Variants in ROBO2 observed in about 807,000 individuals in gnomAD.
The protein encoded by ROBO2 is roundabout homolog 2.
Under a neutral mutation model 160.8 loss-of-function variants are expected in ROBO2, and 53 were observed. The observed-to-expected ratio is 0.33, with a 90% CI of 0.26 to 0.41. The LOEUF is 0.41. ROBO2 is among the 10% of genes least tolerant of loss of function. The probability of loss-of-function intolerance (pLI) is 1.00; values close to 1 mark genes in which losing one functional copy is unlikely to be tolerated. For synonymous variants in ROBO2, 664 were observed against 611.7 expected, an observed-to-expected ratio of 1.09 and a Z score of -1.26; for missense variants, 1,577 against 1,722.4, an observed-to-expected ratio of 0.92 and a Z score of 1.49.
chr3:76,609,110 A>G (rs2087880511), intron 2 of ROBO2, among the ~76,000 whole-genome samples: 1 of 152,216 alleles, frequency 6.6e-6, no homozygotes, highest in Non-Finnish European at 1.5e-5. Context: ...CATTTACTGA[A>G]GAGACTGTTC....
At chr3:76,903,880 G>A (rs1259860255) in intron 2 of ROBO2, among the ~76,000 whole-genome samples, 1 of 152,080 alleles carries the variant, frequency 6.6e-6, no homozygotes, top group Non-Finnish European at 1.5e-5. Flanking sequence ...CATGCATCCT[G>A]TTGCTCATTA....
chr3:76,959,288 A>T (rs752510998), intron 2 of ROBO2, among the ~76,000 whole-genome samples: 9 of 152,202 alleles, frequency 5.9e-5, no homozygotes, highest in Non-Finnish European at 1.3e-4. Context: ...CCCTTTGTGG[A>T]AAAGAGTTTA....
intron 2 of ROBO2, among the ~76,000 whole-genome samples, chr3:76,505,514 G>A (rs545370991): frequency 9.5e-4 from 144 of 152,280 alleles, no homozygotes; most frequent in African/African-American, 3.3e-3. Flanking sequence ...TTAAGATGAG[G>A]TCATACTGCG....
chr3:75,908,796 A>G (rs1336639638), intron 1 of ROBO2, among the ~76,000 whole-genome samples: 1 of 152,200 alleles, frequency 6.6e-6, no homozygotes, highest in Non-Finnish European at 1.5e-5. Flanking sequence ...ACTCCTAAAA[A>G]CTGACCTGTG....
intron 2 of ROBO2, among the ~76,000 whole-genome samples, chr3:77,283,106 A>T (rs1308520428): frequency 6.6e-6 from 1 of 152,158 alleles, no homozygotes; most frequent in Admixed American, 6.5e-5. Flanking sequence ...CATTCTGCAA[A>T]TCTGGTGAAT....
intron 2 of ROBO2, among the ~76,000 whole-genome samples, chr3:76,029,484 T>C (rs1576547884): frequency 6.6e-6 from 1 of 152,120 alleles, no homozygotes; most frequent in South Asian, 2.1e-4. Flanking sequence ...TCATTTACAT[T>C]AAGTATTTCT....
At chr3:76,158,782 A>T (rs1266190699) in intron 2 of ROBO2, among the ~76,000 whole-genome samples, 1 of 152,152 alleles carries the variant, frequency 6.6e-6, no homozygotes, top group Non-Finnish European at 1.5e-5. Flanking sequence ...AGACTCTGGG[A>T]TTCTTTTCCT....
chr3:76,774,551 C>T (rs1369215729), intron 2 of ROBO2, among the ~76,000 whole-genome samples: 1 of 150,700 alleles, frequency 6.6e-6, no homozygotes, highest in African/African-American at 2.4e-5. Flanking sequence ...TATTAATTCC[C>T]TTAAATTAGT....
chr3:76,264,828 T>G (rs1028482593), intron 2 of ROBO2, among the ~76,000 whole-genome samples: 1 of 152,082 alleles, frequency 6.6e-6, no homozygotes, highest in African/African-American at 2.4e-5. Context: ...GGCTTTTACT[T>G]TACATGAGAA....
At chr3:75,986,193 C>T (rs960336342) in intron 2 of ROBO2, among the ~76,000 whole-genome samples, 1 of 147,488 alleles carries the variant, frequency 6.8e-6, no homozygotes, top group Non-Finnish European at 1.5e-5. Flanking sequence ...ACATTCTTGC[C>T]AACAATTGTT....
intron 2 of ROBO2, among the ~76,000 whole-genome samples, chr3:76,390,862 G>A (rs541368177): frequency 3.6e-4 from 55 of 152,276 alleles, no homozygotes; most frequent in African/African-American, 1.3e-3. Context: ...AGGACAGTAT[G>A]TTCAGTATGA....
chr3:77,123,792 G>C (rs144633698), intron 2 of ROBO2, among the ~76,000 whole-genome samples: 1,703 of 148,064 alleles, frequency 0.012, 27 homozygotes, highest in African/African-American at 0.037. Flanking sequence ...TATCTAGATA[G>C]ATATATAATC....
chr3:77,240,297 G>A (rs2088816817), intron 2 of ROBO2, among the ~76,000 whole-genome samples: 1 of 152,174 alleles, frequency 6.6e-6, no homozygotes, highest in African/African-American at 2.4e-5. Context: ...AGTGCTGGGG[G>A]ACCCGGCGCT....
intron 2 of ROBO2, among the ~76,000 whole-genome samples, chr3:77,416,712 A>G (rs1270537807): frequency 1.2e-5 from 1 of 84,820 alleles, no homozygotes; most frequent in East Asian, 3.4e-4. Flanking sequence ...GCAAGATTCC[A>G]TCTCAAAAAA....
intron 24 of ROBO2, among the ~76,000 whole-genome samples, chr3:77,640,100 T>C: frequency 1.0e-4 from 1 of 9,592 alleles, no homozygotes; most frequent in South Asian, 5.1e-3. Context: ...AGGAAGCATT[T>C]TTTTTTTTTT....
intron 1 of ROBO2, among the ~76,000 whole-genome samples, chr3:77,080,442 C>T (rs766314024): frequency 2.8e-4 from 43 of 152,194 alleles, no homozygotes; most frequent in Non-Finnish European, 5.1e-4. Context: ...TTGTGTTGTT[C>T]GTACCAAGGG....
chr3:76,404,549 T>G (rs930994281), intron 2 of ROBO2, among the ~76,000 whole-genome samples: 8 of 151,486 alleles, frequency 5.3e-5, no homozygotes, highest in African/African-American at 1.9e-4. Context: ...AGAGGCATAG[T>G]CGATCAGGTA....
rs542091757 is a variant in ROBO2 at position 76,133,329 on chromosome 3, G to A, written c.109+195727G>A. Among the ~76,000 whole-genome samples, 364 of 151,822 alleles carry A rather than the reference G, an allele frequency of 2.4e-3. 2 individuals carry two copies. Among genetic ancestry groups the A allele is most frequent in the South Asian group, 6.9e-3 (33 of 4,806 alleles). ...TCAAAGTATTGTGAAAAAACCAATC[G>A]AATTTACCCTTTACTTTCACACTCA... On this transcript the variant is annotated intron_variant, in intron 2 of 26. Transcript: ENST00000487694.
At chr3:76,177,734 C>T (rs2073281285) in intron 2 of ROBO2, among the ~76,000 whole-genome samples, 1 of 152,080 alleles carries the variant, frequency 6.6e-6, no homozygotes, top group Non-Finnish European at 1.5e-5. Context: ...AAGAGAAAGA[C>T]AGACAAGATG....
Sources: allele counts gnomAD v4.1 joint callset (sites outside exome capture counted in the v4.1 genomes callset), GRCh38; gene constraint gnomAD v4.1.1; transcripts MANE v1.5; gene names NCBI Gene and HGNC (gene_info 2026-07-23, HGNC 2026-07-21).